Variants in METTL24 observed in about 807,000 individuals in gnomAD.
METTL24 encodes methyltransferase like 24, also known as probable methyltransferase-like protein 24.
In METTL24, 29 loss-of-function variants were observed where a neutral mutation model predicts 32.7. That is an observed-to-expected ratio of 0.89 (90% CI 0.66 to 1.21). METTL24 has a LOEUF of 1.21. METTL24 is among the 50% of genes most tolerant of loss of function. The pLI is 0.00. For synonymous variants in METTL24, 163 were observed against 179.5 expected (o/e 0.91, Z 0.73); for missense variants, 439 against 468.1 (o/e 0.94, Z 0.57).
At chr6:110,302,060 G>C (rs1466695950) in intron 3 of METTL24, among the ~76,000 whole-genome samples, 1 of 152,100 alleles carries the variant, frequency 6.6e-6, no homozygotes, top group African/African-American at 2.4e-5. Context: ...CAGATCACGA[G>C]GTCAGGAGAT....
chr6:110,257,946 G>C (rs1778416960), intron 4 of METTL24, among the ~76,000 whole-genome samples: 1 of 152,208 alleles, frequency 6.6e-6, no homozygotes, highest in South Asian at 2.1e-4. Context: ...GTATGTCTGT[G>C]CACATAAGCA....
At chr6:110,278,873 T>C (rs1287707217) in intron 4 of METTL24, among the ~76,000 whole-genome samples, 1 of 151,918 alleles carries the variant, frequency 6.6e-6, no homozygotes. Flanking sequence ...AATAGAAAAA[T>C]GAGCCAGTCA....
Position 110,245,307 on chromosome 6 carries a change from CT to C in METTL24, c.*638del, listed in dbSNP as rs1164494541. On this transcript the variant is annotated 3_prime_UTR_variant, in exon 5 of 5. Coordinates refer to ENST00000338882, the MANE Select transcript of METTL24 (RefSeq NM_001123364.3). Reference sequence around the variant, plus strand: ...TCTTGGTGAGGTCAAGACCTTCAGACTTGGTCTCGAACTGGAACTTACACCT... The same window carrying C: ...TCTTGGTGAGGTCAAGACCTTCAGACTGGTCTCGAACTGGAACTTACACCT... 1.3e-5 allele frequency among the ~76,000 whole-genome samples: 2 copies of C among 152,156 alleles called. No homozygotes were observed. Among genetic ancestry groups the C allele is most frequent in the Non-Finnish European group, 2.9e-5 (2 of 68,038 alleles).
intron 3 of METTL24, among the ~76,000 whole-genome samples, chr6:110,314,182 G>A (rs1345743430): frequency 6.6e-6 from 1 of 152,174 alleles, no homozygotes; most frequent in African/African-American, 2.4e-5. Context: ...CTACAGGTGA[G>A]GAGGAAGCAT....
chr6:110,330,223 T>C (rs1772089812), intron 1 of METTL24, among the ~76,000 whole-genome samples: 1 of 152,132 alleles, frequency 6.6e-6, no homozygotes, highest in Non-Finnish European at 1.5e-5. Flanking sequence ...GAAGCCACAG[T>C]GGGGGCCTGA....
intron 1 of METTL24, among the ~76,000 whole-genome samples, chr6:110,336,255 G>A (rs562705402): frequency 1.3e-5 from 2 of 152,332 alleles, no homozygotes; most frequent in African/African-American, 4.8e-5. Flanking sequence ...GTCCCTGAAT[G>A]ACAGCAACAA....
intron 4 of METTL24, 86 bp from the exon 5 acceptor site, chr6:110,246,346 GA>G (rs1778160842): frequency 8.1e-7 from 1 of 1,239,570 alleles, no homozygotes; most frequent in South Asian, 1.6e-5. Context: ...ACCTCTGAAG[GA>G]AACAGAATTT....
chr6:110,334,224 A>G (rs368789248), intron 1 of METTL24, among the ~76,000 whole-genome samples: 1 of 152,206 alleles, frequency 6.6e-6, no homozygotes, highest in South Asian at 2.1e-4. Context: ...CTCAGCCCAC[A>G]TCAGTCTCAA....
intron 1 of METTL24, among the ~76,000 whole-genome samples, chr6:110,326,700 C>T (rs773175051): frequency 3.9e-5 from 6 of 152,138 alleles, no homozygotes; most frequent in African/African-American, 7.2e-5. Flanking sequence ...CTGGTAACAC[C>T]GGAGAGCCCT....
At chr6:110,302,620 TATATACAC>T (rs1192861403) in intron 3 of METTL24, among the ~76,000 whole-genome samples, 2 of 131,340 alleles carry the variant, frequency 1.5e-5, no homozygotes, top group Non-Finnish European at 3.1e-5. Context: ...TATGTGTATA[TATATACAC>T]ATATACACAC....
intron 1 of METTL24, among the ~76,000 whole-genome samples, chr6:110,327,029 T>C (rs1772028813): frequency 6.6e-6 from 1 of 152,198 alleles, no homozygotes; most frequent in African/African-American, 2.4e-5. Context: ...AGGCTCTGTG[T>C]CACAATTTAA....
chr6:110,280,134 T>C (rs1379417044), intron 4 of METTL24, among the ~76,000 whole-genome samples: 1 of 152,156 alleles, frequency 6.6e-6, no homozygotes, highest in Non-Finnish European at 1.5e-5. Context: ...CATGAGCCAA[T>C]TACCTTCTAC....
At chr6:110,295,840 A>AGGAAGGAAGGAAGGAAGGAAGGAAGGTT (rs1004909247) in intron 4 of METTL24, among the ~76,000 whole-genome samples, 9 of 147,322 alleles carry the variant, frequency 6.1e-5, no homozygotes, top group South Asian at 2.1e-4. Flanking sequence ...GAAGGAAGGA[A>AGGAAGGAAGGAAGGAAGGAAGGAAGGTT]GGTTCTCTAT....
At chr6:110,290,811 T>G (rs1771305203) in intron 4 of METTL24, among the ~76,000 whole-genome samples, 1 of 152,202 alleles carries the variant, frequency 6.6e-6, no homozygotes, top group Admixed American at 6.5e-5. Context: ...CCTAAGAGGT[T>G]GCATTCCCAC....
At chr6:110,253,794 T>A in intron 4 of METTL24, 1 of 992,076 alleles carries the variant, frequency 1.0e-6, no homozygotes, top group South Asian at 3.5e-5. Flanking sequence ...ATTGAAATTA[T>A]CCTATGTTTT....
At chr6:110,296,267 A>G (rs182549639) in intron 4 of METTL24, among the ~76,000 whole-genome samples, 7 of 152,374 alleles carry the variant, frequency 4.6e-5, no homozygotes, top group Admixed American at 1.3e-4. Context: ...AAAAAACTAT[A>G]CATTATGATT....
At position 110,358,133 on chromosome 6, in the gene METTL24, G is replaced by T; in HGVS notation, c.140C>A (p.Pro47Gln). The T allele has an allele frequency of 1.8e-6, 2 of 1,120,918 alleles. No homozygotes were observed. The highest frequency in any genetic ancestry group is 2.2e-6 in the Non-Finnish European group (2 of 917,774). 69.4% of individuals were successfully genotyped at this position (1,120,918 alleles called of 1,614,324 possible). ...CCCAGGTGGCCGCCAGGCCGGGCCCGGCGGGGCGCTGCGGGTGGGGGACCC... is the reference window on the plus strand; with the variant it reads ...CCCAGGTGGCCGCCAGGCCGGGCCCTGCGGGGCGCTGCGGGTGGGGGACCC... Reference protein sequence around the residue: ...GPGSPTRSAPPGPAWRPPGPH... With the variant: ...GPGSPTRSAPQGPAWRPPGPH... The change falls in exon 1 of 5, where the codon CCG (proline) becomes CAG (glutamine). Residue 47 changes from proline (P) to glutamine (Q), a missense_variant. Transcript: ENST00000338882.
chr6:110,275,357 C>A (rs1771030663), intron 4 of METTL24, among the ~76,000 whole-genome samples: 1 of 152,188 alleles, frequency 6.6e-6, no homozygotes, highest in Middle Eastern at 3.4e-3. Flanking sequence ...GCCAGCCATG[C>A]TGAGTTTTTT....
chr6:110,326,777 C>A (rs1044662083), intron 1 of METTL24, among the ~76,000 whole-genome samples: 1 of 152,210 alleles, frequency 6.6e-6, no homozygotes, highest in Non-Finnish European at 1.5e-5. Flanking sequence ...CTATTACATA[C>A]TCCACCCTGT....
Sources: allele counts gnomAD v4.1 joint callset (sites outside exome capture counted in the v4.1 genomes callset), GRCh38; gene constraint gnomAD v4.1.1; transcripts MANE v1.5; gene names NCBI Gene and HGNC (gene_info 2026-07-23, HGNC 2026-07-21).